BBS9: variants seen among roughly 807,000 people sequenced by gnomAD.
The protein encoded by BBS9 is Bardet-Biedl syndrome 9, also known as protein PTHB1.
Under a neutral mutation model 117.7 loss-of-function variants are expected in BBS9, and 89 were observed. That is an observed-to-expected ratio of 0.76 (90% CI 0.64 to 0.90). The LOEUF is 0.90. Ranked by LOEUF, BBS9 falls within the 40% of genes least tolerant of loss-of-function variation. The pLI is 0.00. For synonymous variants in BBS9, 379 were observed against 370.9 expected (o/e 1.02, Z -0.25); for missense variants, 982 against 1,042.2 (o/e 0.94, Z 0.80).
At chr7:33,205,879 C>CAA (rs1786813839) in intron 5 of BBS9, among the ~76,000 whole-genome samples, 1 of 152,148 alleles carries the variant, frequency 6.6e-6, no homozygotes, top group Admixed American at 6.6e-5. Context: ...TTGGAAGTCT[C>CAA]AATCTTTTTT....
At chr7:33,524,867 C>T (rs1407778537) in intron 20 of BBS9, among the ~76,000 whole-genome samples, 1 of 152,170 alleles carries the variant, frequency 6.6e-6, no homozygotes, top group Non-Finnish European at 1.5e-5. Context: ...ATCTTTCCTG[C>T]TTTCTCTTGT....
intron 19 of BBS9, among the ~76,000 whole-genome samples, chr7:33,419,791 A>G (rs1832580047): frequency 1.3e-5 from 2 of 152,132 alleles, no homozygotes; most frequent in African/African-American, 4.8e-5. Flanking sequence ...ATAATTGCAA[A>G]CTTAATTCTT....
At chr7:33,175,312 A>G (rs1421270032) in intron 4 of BBS9, among the ~76,000 whole-genome samples, 1 of 151,736 alleles carries the variant, frequency 6.6e-6, no homozygotes, top group Admixed American at 6.6e-5. Context: ...AAAAATAAAA[A>G]TAAAAAAAAA....
chr7:33,500,062 C>T (rs1676734592), intron 19 of BBS9, among the ~76,000 whole-genome samples: 1 of 151,624 alleles, frequency 6.6e-6, no homozygotes, highest in South Asian at 2.1e-4. Context: ...AAGAAAAAAA[C>T]CTTAGTATGT....
intron 5 of BBS9, among the ~76,000 whole-genome samples, chr7:33,204,356 G>T (rs1291605311): frequency 6.7e-6 from 1 of 148,678 alleles, no homozygotes; most frequent in Non-Finnish European, 1.5e-5. Flanking sequence ...GCAGTGAGTC[G>T]AGATAACACC....
intron 20 of BBS9, among the ~76,000 whole-genome samples, chr7:33,530,654 T>C (rs2129055462): frequency 6.6e-6 from 1 of 152,326 alleles, no homozygotes; most frequent in South Asian, 2.1e-4. Context: ...TAGATATTAG[T>C]CTAGTTTAGA....
intron 21 of BBS9, among the ~76,000 whole-genome samples, chr7:33,624,071 C>G (rs996166840): frequency 2.0e-5 from 3 of 151,910 alleles, no homozygotes; most frequent in Non-Finnish European, 2.9e-5. Context: ...AAACGACATG[C>G]CTCTAATTTC....
intron 19 of BBS9, among the ~76,000 whole-genome samples, chr7:33,470,247 T>C (rs1239529389): frequency 6.6e-6 from 1 of 151,186 alleles, no homozygotes; most frequent in East Asian, 1.9e-4. Flanking sequence ...TTTATTTTCA[T>C]ATTAGTTTCC....
At chr7:33,625,921 A>C (rs1286015313) in intron 21 of BBS9, among the ~76,000 whole-genome samples, 1 of 152,238 alleles carries the variant, frequency 6.6e-6, no homozygotes, top group Admixed American at 6.5e-5. Context: ...GAAAATTAAA[A>C]AGAGAAATTA....
intron 5 of BBS9, among the ~76,000 whole-genome samples, chr7:33,213,053 G>A (rs576673575): frequency 8.3e-4 from 126 of 152,156 alleles, no homozygotes; most frequent in Non-Finnish European, 1.4e-3. Flanking sequence ...AGAGTTCTCC[G>A]ATCAGCAGGT....
intron 20 of BBS9, among the ~76,000 whole-genome samples, chr7:33,516,343 G>C (rs1031257046): frequency 1.3e-5 from 2 of 151,886 alleles, no homozygotes; most frequent in Non-Finnish European, 2.9e-5. Flanking sequence ...ACAAAAATTG[G>C]CCTGGTGCGG....
intron 21 of BBS9, among the ~76,000 whole-genome samples, chr7:33,562,903 A>T (rs554184358): frequency 1.3e-5 from 2 of 152,302 alleles, no homozygotes; most frequent in Non-Finnish European, 2.9e-5. Flanking sequence ...CAGGCTGGTG[A>T]CAAAGCAAGA....
At chr7:33,145,872 G>C (rs1792259209) in intron 1 of BBS9, among the ~76,000 whole-genome samples, 1 of 152,196 alleles carries the variant, frequency 6.6e-6, no homozygotes, top group African/African-American at 2.4e-5. Flanking sequence ...CCAATGACTA[G>C]ACTGAAAGGA....
intron 19 of BBS9, among the ~76,000 whole-genome samples, chr7:33,474,017 A>G (rs1462240986): frequency 6.6e-6 from 1 of 152,218 alleles, no homozygotes; most frequent in Non-Finnish European, 1.5e-5. Context: ...TTAAATATCT[A>G]TTTGGATTTG....
intron 5 of BBS9, among the ~76,000 whole-genome samples, chr7:33,228,018 G>A (rs1328899995): frequency 6.6e-6 from 1 of 152,066 alleles, no homozygotes; most frequent in Middle Eastern, 3.2e-3. Flanking sequence ...GGATTGAATG[G>A]TAGTTCTACT....
intron 2 of BBS9, among the ~76,000 whole-genome samples, chr7:33,147,967 A>G (rs929254068): frequency 6.6e-6 from 1 of 152,180 alleles, no homozygotes; most frequent in Non-Finnish European, 1.5e-5. Flanking sequence ...TGATTATTAT[A>G]TATGGAGATT....
chr7:33,591,621 T>C (rs1861935179), intron 21 of BBS9, among the ~76,000 whole-genome samples: 1 of 152,084 alleles, frequency 6.6e-6, no homozygotes, highest in African/African-American at 2.4e-5. Flanking sequence ...TTGCTCTATT[T>C]CTCTGTTCCT....
chr7:33,149,257 G>A (rs965306872), intron 2 of BBS9, among the ~76,000 whole-genome samples: 1 of 152,300 alleles, frequency 6.6e-6, no homozygotes, highest in Admixed American at 6.5e-5. Context: ...AGATGTGGAA[G>A]CTTTTTTCCA....
intron 12 of BBS9, among the ~76,000 whole-genome samples, chr7:33,348,011 C>G (rs940848832): frequency 6.6e-6 from 1 of 151,840 alleles, no homozygotes; most frequent in Non-Finnish European, 1.5e-5. Flanking sequence ...AATTTAGATA[C>G]TATATTATTC....
Sources: allele counts gnomAD v4.1 joint callset (sites outside exome capture counted in the v4.1 genomes callset), GRCh38; gene constraint gnomAD v4.1.1; transcripts MANE v1.5; gene names NCBI Gene and HGNC (gene_info 2026-07-23, HGNC 2026-07-21).